Variants in CLSTN2 observed in about 807,000 individuals in gnomAD.
CLSTN2 encodes calsyntenin-2.
CLSTN2 carries 48 observed loss-of-function variants against 101.2 expected under a neutral mutation model. The observed-to-expected ratio is 0.47, with a 90% CI of 0.38 to 0.60. The LOEUF is 0.60. CLSTN2 is among the 20% of genes least tolerant of loss of function. CLSTN2 has a pLI of 0.00. For synonymous variants in CLSTN2, 481 were observed against 463.6 expected (o/e 1.04, Z -0.48); for missense variants, 1,160 against 1,238.2 (o/e 0.94, Z 0.95).
chr3:140,474,586 C>T (rs1429409241), intron 8 of CLSTN2, among the ~76,000 whole-genome samples: 1 of 152,148 alleles, frequency 6.6e-6, no homozygotes, highest in African/African-American at 2.4e-5. Flanking sequence ...AAAGCAAATT[C>T]ATGAAATCCT....
At chr3:140,123,267 A>T (rs1389503284) in intron 1 of CLSTN2, among the ~76,000 whole-genome samples, 1 of 151,990 alleles carries the variant, frequency 6.6e-6, no homozygotes, top group Non-Finnish European at 1.5e-5. Flanking sequence ...TTTATAAGGC[A>T]TTAATCTCAT....
chr3:140,207,164 G>A lies in CLSTN2; in HGVS notation c.232+31091G>A, dbSNP rs141986919. Among the ~76,000 whole-genome samples the A allele has an allele frequency of 2.0e-3, 310 of 152,264 alleles. 1 individual carries two copies. The highest frequency in any genetic ancestry group is 7.2e-3 in the African/African-American group (300 of 41,550). ...CCCATTTCCAGCTTCTGGGGTGTTT[G>A]CATTTTACCTAATAAGCTAACAACA... On this transcript the variant is annotated intron_variant, in intron 2 of 16. Transcript: ENST00000458420.
At chr3:140,079,521 A>G (rs1320829015) in intron 1 of CLSTN2, among the ~76,000 whole-genome samples, 1 of 152,142 alleles carries the variant, frequency 6.6e-6, no homozygotes, top group Non-Finnish European at 1.5e-5. Context: ...AGGCCAACGC[A>G]GGGGCAGATC....
At chr3:140,435,481 A>G (rs896607936) in intron 5 of CLSTN2, among the ~76,000 whole-genome samples, 3 of 152,190 alleles carry the variant, frequency 2.0e-5, no homozygotes, top group African/African-American at 4.8e-5. Context: ...ATGGACACTT[A>G]GGTTACTTCC....
chr3:139,969,005 C>T (rs1488078165), intron 1 of CLSTN2, among the ~76,000 whole-genome samples: 2 of 152,040 alleles, frequency 1.3e-5, no homozygotes, highest in African/African-American at 2.4e-5. Flanking sequence ...AGAGAACATG[C>T]AGAGTATTAA....
chr3:140,063,738 C>T (rs989831200), intron 1 of CLSTN2, among the ~76,000 whole-genome samples: 27 of 152,130 alleles, frequency 1.8e-4, no homozygotes, highest in African/African-American at 6.3e-4. Context: ...TATCTTGTCA[C>T]CCTTTTGTAG....
At chr3:140,092,903 T>C (rs2008804944) in intron 1 of CLSTN2, among the ~76,000 whole-genome samples, 1 of 152,168 alleles carries the variant, frequency 6.6e-6, no homozygotes, top group Admixed American at 6.5e-5. Flanking sequence ...TTCTCCTCGC[T>C]AAGCATGCTG....
intron 1 of CLSTN2, among the ~76,000 whole-genome samples, chr3:140,040,784 G>A (rs2007746565): frequency 6.6e-6 from 1 of 152,104 alleles, no homozygotes; most frequent in Non-Finnish European, 1.5e-5. Context: ...TCTTGGCTTG[G>A]AGGCTGTTGA....
intron 2 of CLSTN2, among the ~76,000 whole-genome samples, chr3:140,257,722 T>C (rs376992211): frequency 6.6e-6 from 1 of 152,278 alleles, no homozygotes; most frequent in Admixed American, 6.5e-5. Context: ...TCTGACACAT[T>C]GATGTGTCAT....
intron 2 of CLSTN2, among the ~76,000 whole-genome samples, chr3:140,263,962 G>A (rs1158375041): frequency 6.6e-6 from 1 of 151,994 alleles, no homozygotes; most frequent in Admixed American, 6.6e-5. Flanking sequence ...AAATATTTGT[G>A]AATTAGCCTA....
chr3:140,076,138 A>G (rs189315950), intron 1 of CLSTN2, among the ~76,000 whole-genome samples: 1 of 152,200 alleles, frequency 6.6e-6, no homozygotes, highest in African/African-American at 2.4e-5. Context: ...TACATACCTC[A>G]TGTAAGTGGA....
intron 2 of CLSTN2, among the ~76,000 whole-genome samples, chr3:140,289,689 T>C (rs2086931216): frequency 1.3e-5 from 2 of 152,096 alleles, no homozygotes; most frequent in Admixed American, 1.3e-4. Context: ...AATAAATGAA[T>C]GCATGCACAC....
At chr3:140,014,803 G>A (rs1167052870) in intron 1 of CLSTN2, among the ~76,000 whole-genome samples, 1 of 152,210 alleles carries the variant, frequency 6.6e-6, no homozygotes, top group Non-Finnish European at 1.5e-5. Flanking sequence ...ATCAGTCAGA[G>A]TTTTGTGGCC....
At chr3:140,192,780 TAGA>T (rs2010587537) in intron 2 of CLSTN2, among the ~76,000 whole-genome samples, 1 of 151,980 alleles carries the variant, frequency 6.6e-6, no homozygotes, top group South Asian at 2.1e-4. Context: ...TTGTTGTATT[TAGA>T]TCATTTATAT....
At chr3:140,333,895 T>C (rs554457970) in intron 2 of CLSTN2, among the ~76,000 whole-genome samples, 2 of 152,292 alleles carry the variant, frequency 1.3e-5, no homozygotes, top group East Asian at 1.9e-4. Flanking sequence ...CCTCTGTTGA[T>C]ACTTTTATGA....
chr3:140,376,389 G>A (rs763924029), intron 2 of CLSTN2, among the ~76,000 whole-genome samples: 5 of 152,150 alleles, frequency 3.3e-5, no homozygotes, highest in South Asian at 2.1e-4. Flanking sequence ...TGATGGAGAC[G>A]GATGGAATGG....
chr3:140,549,122 G>A (rs990966707), intron 10 of CLSTN2, among the ~76,000 whole-genome samples: 2 of 133,594 alleles, frequency 1.5e-5, no homozygotes, highest in African/African-American at 5.7e-5. Flanking sequence ...TCTTCCTGAT[G>A]TCTTCTCTTT....
intron 2 of CLSTN2, among the ~76,000 whole-genome samples, chr3:140,391,322 C>T (rs2088111378): frequency 7.6e-6 from 1 of 132,390 alleles, no homozygotes; most frequent in Admixed American, 9.0e-5. Context: ...CCCCCACCAA[C>T]ATCTGCCTAT....
intron 2 of CLSTN2, among the ~76,000 whole-genome samples, chr3:140,354,240 G>C (rs1455723801): frequency 1.3e-5 from 2 of 152,186 alleles, no homozygotes; most frequent in Non-Finnish European, 2.9e-5. Flanking sequence ...GAGTTGCATG[G>C]ATTAGGATGG....
Sources: allele counts gnomAD v4.1 joint callset (sites outside exome capture counted in the v4.1 genomes callset), GRCh38; gene constraint gnomAD v4.1.1; transcripts MANE v1.5; gene names NCBI Gene and HGNC (gene_info 2026-07-23, HGNC 2026-07-21).